Variants in SV2B observed in about 807,000 individuals in gnomAD.
SV2B encodes the protein synaptic vesicle glycoprotein 2B.
In SV2B, 41 loss-of-function variants were observed where a neutral mutation model predicts 73.9. The observed-to-expected ratio is 0.56, with a 90% CI of 0.43 to 0.72. The LOEUF is 0.72. Ranked by LOEUF, SV2B falls within the 30% of genes least tolerant of loss-of-function variation. The pLI, the probability that SV2B is intolerant of heterozygous loss-of-function variation, is 0.00. For synonymous variants in SV2B, 314 were observed against 314.2 expected (o/e 1.00, Z 0.01); for missense variants, 764 against 857.8 (o/e 0.89, Z 1.37).
At chr15:91,278,860 C>G (rs1365068548) in intron 9 of SV2B, among the ~76,000 whole-genome samples, 2 of 151,954 alleles carry the variant, frequency 1.3e-5, no homozygotes, top group African/African-American at 2.4e-5. Context: ...GGTGCCTGTT[C>G]TTAAGAACTC....
Position 91,288,058 on chromosome 15 carries a change from G to T in SV2B, c.1709-1463G>T, listed in dbSNP as rs1010753176. The stretch of plus-strand genomic sequence containing the variant: ...CTCCCAACTGATAAGAAAGTCCATG[G>T]GGTTAGCGTGTAGAGGGTATGTACA... On this transcript the variant is annotated intron_variant, in intron 11 of 12. Transcript: ENST00000394232. This position sits in a 1 kb window ranked among gnomAD's most constrained non-coding sequence, Gnocchi z 5.8. 1.3e-5 allele frequency among the ~76,000 whole-genome samples: 2 copies of T among 152,142 alleles called. No individual in the cohort carries two copies. Among genetic ancestry groups the T allele is most frequent in the African/African-American group, 4.8e-5 (2 of 41,420 alleles).
At chr15:91,257,845 T>G (rs1381448700) in intron 4 of SV2B, among the ~76,000 whole-genome samples, 1 of 152,102 alleles carries the variant, frequency 6.6e-6, no homozygotes, top group Non-Finnish European at 1.5e-5. Context: ...GGAATTCCCA[T>G]AGACTCAAGA....
rs970466701 is a variant in SV2B at position 91,137,898 on chromosome 15, C to G, written c.-392+37535C>G. ...AGGTGTTTACTTTGCCTTTCCAATA[C>G]AAACTATATCTCAGGACAACCAAAT... On this transcript the variant is annotated intron_variant, in intron 1 of 12. Transcript: ENST00000394232. This position sits in a 1 kb window ranked among gnomAD's most constrained non-coding sequence, Gnocchi z 4.9. Among the ~76,000 whole-genome samples the G allele has an allele frequency of 6.6e-6, 1 of 151,968 alleles. No homozygotes were observed. The highest frequency in any genetic ancestry group is 1.5e-5 in the Non-Finnish European group (1 of 67,990).
In SV2B at chr15:91,226,745, T is replaced by C. The variant is rs147067258; in HGVS notation, c.451+31T>C. On this transcript the variant is annotated intron_variant, in intron 2 of 12. Coordinates refer to ENST00000394232, the MANE Select transcript of SV2B (RefSeq NM_001323032.3). ...TGGAAATTTCCAATGATCCCTCCAA[T>C]GAAAGGGAAGGAGAAGTAAAATTTA... 3.3e-4 allele frequency: 531 copies of C among 1,588,498 alleles called. 5 individuals carry two copies. In the Middle Eastern group the frequency reaches 4.2e-3, roughly 12 times the overall value.
intron 2 of SV2B, 80 bp from the exon 3 acceptor site, chr15:91,251,739 C>T (rs1277002984): frequency 2.8e-6 from 4 of 1,415,226 alleles, no homozygotes; most frequent in Non-Finnish European, 3.8e-6. Flanking sequence ...TAAAAATGAA[C>T]ATTGTATTTT....
At chr15:91,199,488 G>A (rs1445636790) in intron 1 of SV2B, among the ~76,000 whole-genome samples, 3 of 152,208 alleles carry the variant, frequency 2.0e-5, no homozygotes, top group African/African-American at 7.2e-5. Context: ...ATGGGTCGTG[G>A]GTTTCTGTTT....
chr15:91,131,738 G>A (rs568623851), intron 1 of SV2B, among the ~76,000 whole-genome samples: 2 of 152,252 alleles, frequency 1.3e-5, no homozygotes, highest in East Asian at 1.9e-4. Context: ...CGAGGCAGGC[G>A]GATCACTTGA....
intron 1 of SV2B, among the ~76,000 whole-genome samples, chr15:91,156,565 T>A (rs2043497432): frequency 6.6e-6 from 1 of 152,090 alleles, no homozygotes; most frequent in African/African-American, 2.4e-5. Context: ...AGCAGGTTAG[T>A]GATGGGAAGC....
intron 9 of SV2B, among the ~76,000 whole-genome samples, chr15:91,277,805 A>G (rs970916365): frequency 6.6e-6 from 1 of 151,974 alleles, no homozygotes; most frequent in Non-Finnish European, 1.5e-5. Context: ...TTGTTCTACT[A>G]TTTTTCTCTT....
chr15:91,103,427 A>G (rs1035639242), intron 1 of SV2B, among the ~76,000 whole-genome samples: 1 of 152,200 alleles, frequency 6.6e-6, no homozygotes, highest in African/African-American at 2.4e-5. Context: ...TTTGAGAATG[A>G]GAAGAGTTTC....
chr15:91,301,806 A>G lies in SV2B; in HGVS notation c.*9254A>G, dbSNP rs1290623477. Among the ~76,000 whole-genome samples the G allele has an allele frequency of 6.6e-6, 1 of 152,216 alleles. No individual in the cohort carries two copies. Among genetic ancestry groups the G allele is most frequent in the East Asian group, 1.9e-4 (1 of 5,194 alleles). ...TCCCAAGTCTGCACATTTGATATCT[A>G]AAATACTCCAGTGAGCTTTTCCTTG... On this transcript the variant is annotated 3_prime_UTR_variant, in exon 13 of 13. Transcript: ENST00000394232. This position sits in a 1 kb window ranked among gnomAD's most constrained non-coding sequence, Gnocchi z 4.3.
At chr15:91,142,100 A>G (rs1236783720) in intron 1 of SV2B, among the ~76,000 whole-genome samples, 5 of 152,194 alleles carry the variant, frequency 3.3e-5, no homozygotes, top group Non-Finnish European at 5.9e-5. Flanking sequence ...GGAAAGGTCC[A>G]AGATTTCTTG....
In SV2B at chr15:91,226,421, T is replaced by A; in HGVS notation, c.158T>A (p.Ile53Asn). The A allele has an allele frequency of 6.2e-7, 1 of 1,614,112 alleles. No individual in the cohort carries two copies. The highest frequency in any genetic ancestry group is 8.5e-7 in the Non-Finnish European group (1 of 1,180,012). The change falls in exon 2 of 13, where the codon ATC becomes AAC. Residue 53 changes from isoleucine to asparagine, a missense_variant. Transcript: ENST00000394232. ...ATCTATGAGGGCGAGTACCAGGGTA[T>A]CCCTCACCCAGATGATGTCAAGGCC... is the stretch of plus-strand genomic sequence containing the variant. ...DEIYEGEYQG[I>N]PHPDDVKAKQ...
At chr15:91,180,103 C>T (rs1206723640) in intron 1 of SV2B, among the ~76,000 whole-genome samples, 1 of 151,996 alleles carries the variant, frequency 6.6e-6, no homozygotes, top group African/African-American at 2.4e-5. Flanking sequence ...GACAAAATCT[C>T]TCAGCATTTG....
At chr15:91,167,726 A>T (rs923030639) in intron 1 of SV2B, among the ~76,000 whole-genome samples, 6 of 152,138 alleles carry the variant, frequency 3.9e-5, no homozygotes, top group Non-Finnish European at 7.4e-5. Context: ...TAACATATTC[A>T]TGGGTTCTGG....
At chr15:91,255,011 C>G (rs2141625023) in intron 4 of SV2B, among the ~76,000 whole-genome samples, 1 of 152,330 alleles carries the variant, frequency 6.6e-6, no homozygotes, top group South Asian at 2.1e-4. Context: ...GGTTTAGATC[C>G]ACTTCCTTCC....
intron 1 of SV2B, among the ~76,000 whole-genome samples, chr15:91,120,608 G>A (rs1229500018): frequency 1.3e-5 from 2 of 151,976 alleles, no homozygotes; most frequent in Non-Finnish European, 2.9e-5. Flanking sequence ...GAGCCCGAAA[G>A]TTGGAAACCA....
chr15:91,120,647 C>G (rs60604240), intron 1 of SV2B, among the ~76,000 whole-genome samples: 6 of 151,898 alleles, frequency 4.0e-5, no homozygotes, highest in African/African-American at 1.4e-4. Context: ...AACCCCATCT[C>G]TACAAAAAAT....
At chr15:91,282,726 C>A (rs1045594397) in intron 10 of SV2B, among the ~76,000 whole-genome samples, 1 of 152,178 alleles carries the variant, frequency 6.6e-6, no homozygotes, top group Admixed American at 6.5e-5. Context: ...ATGCTTTATT[C>A]TTGGCATCAG....
Sources: allele counts gnomAD v4.1 joint callset (sites outside exome capture counted in the v4.1 genomes callset), GRCh38; gene constraint gnomAD v4.1.1; non-coding constraint Gnocchi (gnomAD v3.1); transcripts MANE v1.5; gene names NCBI Gene and HGNC (gene_info 2026-07-23, HGNC 2026-07-21).